Variants in PCDH9 observed in about 807,000 individuals in gnomAD.
PCDH9 encodes the protein protocadherin 9, also known as protocadherin-9.
A neutral mutation model predicts 70.6 loss-of-function variants in PCDH9; 24 were observed. That is an observed-to-expected ratio of 0.34 (90% CI 0.25 to 0.48). The LOEUF (loss-of-function observed/expected upper bound fraction) is 0.48. PCDH9 is among the 20% of genes least tolerant of loss of function. The probability of loss-of-function intolerance (pLI) is 0.99; values close to 1 mark genes in which losing one functional copy is unlikely to be tolerated. For synonymous variants in PCDH9, 562 were observed against 558.5 expected, an observed-to-expected ratio of 1.01 and a Z score of -0.09; for missense variants, 1,281 against 1,503.6, an observed-to-expected ratio of 0.85 and a Z score of 2.45.
At chr13:67,182,670 A>T (rs186009283) in intron 2 of PCDH9, among the ~76,000 whole-genome samples, 444 of 152,282 alleles carry the variant, frequency 2.9e-3, no homozygotes, top group African/African-American at 0.01. Context: ...CTGTTGAAAA[A>T]TTTACACTGA....
chr13:66,648,414 G>C (rs1300383269), intron 3 of PCDH9, among the ~76,000 whole-genome samples: 1 of 152,208 alleles, frequency 6.6e-6, no homozygotes, highest in Middle Eastern at 3.2e-3. Flanking sequence ...AAGATTTTCT[G>C]CCTGTAATCC....
At chr13:66,756,116 A>G (rs1425648780) in intron 3 of PCDH9, among the ~76,000 whole-genome samples, 1 of 152,200 alleles carries the variant, frequency 6.6e-6, no homozygotes, top group Admixed American at 6.5e-5. Context: ...CTGAAATTAG[A>G]TTTAGATCTA....
At chr13:66,710,207 T>C (rs1474866599) in intron 3 of PCDH9, among the ~76,000 whole-genome samples, 1 of 152,118 alleles carries the variant, frequency 6.6e-6, no homozygotes, top group East Asian at 1.9e-4. Context: ...TACTGAAAAT[T>C]AATATATAGC....
chr13:66,736,859 A>C (rs923373703), intron 3 of PCDH9, among the ~76,000 whole-genome samples: 1 of 152,168 alleles, frequency 6.6e-6, no homozygotes, highest in South Asian at 2.1e-4. Context: ...CTTCATAAAG[A>C]CTTAACTAAC....
chr13:67,001,060 A>C (rs563457795), intron 2 of PCDH9, among the ~76,000 whole-genome samples: 1 of 152,322 alleles, frequency 6.6e-6, no homozygotes, highest in South Asian at 2.1e-4. Context: ...TTAAACCAAG[A>C]CTTTAGAAAG....
chr13:67,052,534 G>A (rs1057199993), intron 2 of PCDH9, among the ~76,000 whole-genome samples: 3 of 151,760 alleles, frequency 2.0e-5, no homozygotes, highest in Non-Finnish European at 4.4e-5. Flanking sequence ...TTGCATTATA[G>A]AAGATCAATC....
chr13:66,431,618 A>T (rs1036064755), intron 4 of PCDH9, among the ~76,000 whole-genome samples: 2 of 152,056 alleles, frequency 1.3e-5, no homozygotes, highest in Admixed American at 1.3e-4. Context: ...TATAACATGA[A>T]CATACATGTA....
intron 3 of PCDH9, among the ~76,000 whole-genome samples, chr13:66,822,285 A>G (rs2080725975): frequency 6.6e-6 from 1 of 152,126 alleles, no homozygotes; most frequent in African/African-American, 2.4e-5. Flanking sequence ...TCACATTTAT[A>G]TATAATTACT....
chr13:66,412,036 T>C (rs2138325400), intron 4 of PCDH9, among the ~76,000 whole-genome samples: 1 of 152,324 alleles, frequency 6.6e-6, no homozygotes, highest in East Asian at 1.9e-4. Flanking sequence ...TATCAACTAA[T>C]TACCTGCTGT....
chr13:66,908,156 G>T (rs1227124543), intron 2 of PCDH9, among the ~76,000 whole-genome samples: 1 of 152,026 alleles, frequency 6.6e-6, no homozygotes, highest in Admixed American at 6.6e-5. Context: ...TTTCAAGCAC[G>T]CCCATTCCAC....
At chr13:66,897,993 A>C (rs980838719) in intron 3 of PCDH9, among the ~76,000 whole-genome samples, 3 of 152,050 alleles carry the variant, frequency 2.0e-5, no homozygotes, top group Non-Finnish European at 4.4e-5. Context: ...TCTCCAGTCC[A>C]TGATGTATTT....
Position 67,228,104 on chromosome 13 carries a change from G to C in PCDH9, c.337C>G (p.Leu113Val), listed in dbSNP as rs2089925344. 6.2e-7 allele frequency: 1 copy of C among 1,613,958 alleles called. No homozygotes were observed. Among genetic ancestry groups the C allele is most frequent in the South Asian group, 1.1e-5 (1 of 91,080 alleles). Residue 113 changes from leucine (L) to valine (V), a missense_variant, in exon 2 of 5, where the codon CTT (leucine) becomes GTT (valine). Around this residue, in one of 4 missense-constraint regions of PCDH9, gnomAD observed 798 missense variants for 1,003.1 expected, o/e 0.80. Transcript: ENST00000377865. ...YAEENECFFE[L>V]EVVILPNDFF... ...TCATTGGGGAGGATCACCACCTCAA[G>C]TTCAAAGAAACACTCATTCTCCTCA...
At chr13:66,652,942 A>G (rs912635739) in intron 3 of PCDH9, among the ~76,000 whole-genome samples, 1 of 152,184 alleles carries the variant, frequency 6.6e-6, no homozygotes, top group Non-Finnish European at 1.5e-5. Context: ...GCATATCCAC[A>G]TGCAGAAGAA....
chr13:66,494,235 A>G (rs1300172124), intron 4 of PCDH9, among the ~76,000 whole-genome samples: 2 of 152,144 alleles, frequency 1.3e-5, no homozygotes, highest in Non-Finnish European at 2.9e-5. Context: ...AGGATTTTCT[A>G]TGCTTTTAAG....
chr13:66,328,510 T>G lies in PCDH9; in HGVS notation c.3341-23482A>C, dbSNP rs999322820. Among the ~76,000 whole-genome samples the G allele has an allele frequency of 1.3e-4, 20 of 152,332 alleles. No individual in the cohort carries two copies. The East Asian group carries it at 3.7e-3, about 28-fold the overall frequency. ...AATACAGAAAATTTACAAGGTGGTA[T>G]TATGATCTAGCCTCCTTGTACAGCA... is the stretch of plus-strand genomic sequence containing the variant. On this transcript the variant is annotated intron_variant, in intron 4 of 4. Transcript: ENST00000377865.
At chr13:66,408,337 A>T (rs986526318) in intron 4 of PCDH9, among the ~76,000 whole-genome samples, 1 of 152,230 alleles carries the variant, frequency 6.6e-6, no homozygotes, top group African/African-American at 2.4e-5. Context: ...CTTCGGTATG[A>T]TTACTGAGGA....
At chr13:66,473,381 ATG>A (rs1207190435) in intron 4 of PCDH9, among the ~76,000 whole-genome samples, 2 of 146,328 alleles carry the variant, frequency 1.4e-5, no homozygotes, top group South Asian at 2.2e-4. Context: ...ATAAAGCTAT[ATG>A]TTTTTTTTTC....
chr13:66,573,393 T>C (rs760334632), intron 4 of PCDH9, among the ~76,000 whole-genome samples: 2 of 152,056 alleles, frequency 1.3e-5, no homozygotes, highest in Non-Finnish European at 2.9e-5. Flanking sequence ...CTTCACTCGG[T>C]TGATTGTTTC....
intron 3 of PCDH9, among the ~76,000 whole-genome samples, chr13:66,887,077 A>ACACACACC (rs1491222485): frequency 2.4e-5 from 3 of 124,378 alleles, no homozygotes; most frequent in African/African-American, 9.0e-5. Context: ...ACACACACAC[A>ACACACACC]CCCTGTATTT....
Sources: allele counts gnomAD v4.1 joint callset (sites outside exome capture counted in the v4.1 genomes callset), GRCh38; gene constraint gnomAD v4.1.1; regional missense constraint gnomAD v4.1.1; transcripts MANE v1.5; gene names NCBI Gene and HGNC (gene_info 2026-07-23, HGNC 2026-07-21).